Variants in ITGA11 observed in about 807,000 individuals in gnomAD.
ITGA11 encodes the protein integrin subunit alpha 11, also known as integrin alpha-11.
In ITGA11, 97 loss-of-function variants were observed where a neutral mutation model predicts 141.9. The ratio of observed to expected loss-of-function variants is 0.68; its 90% CI spans 0.58 to 0.81. The LOEUF (loss-of-function observed/expected upper bound fraction) is 0.81, where lower values mean the gene tolerates loss of function less well. ITGA11 is among the 30% of genes least tolerant of loss of function. ITGA11 has a pLI of 0.00. For synonymous variants in ITGA11, 658 were observed against 624.6 expected (o/e 1.05, Z -0.80); for missense variants, 1,387 against 1,559.2 (o/e 0.89, Z 1.86).
At chr15:68,426,848 C>T (rs144559166) in intron 1 of ITGA11, among the ~76,000 whole-genome samples, 2 of 151,818 alleles carry the variant, frequency 1.3e-5, no homozygotes, top group African/African-American at 4.8e-5. Flanking sequence ...AAACCCATCT[C>T]TCCTAAAAAT....
chr15:68,417,672 T>G (rs1186470046), intron 1 of ITGA11, among the ~76,000 whole-genome samples: 1 of 152,176 alleles, frequency 6.6e-6, no homozygotes, highest in African/African-American at 2.4e-5. Flanking sequence ...TCTCACTTAC[T>G]ACCTTCCAGC....
chr15:68,419,530 C>T (rs1177007202), intron 1 of ITGA11, among the ~76,000 whole-genome samples: 3 of 152,186 alleles, frequency 2.0e-5, no homozygotes, highest in Non-Finnish European at 4.4e-5. Context: ...GAAGGGCCAA[C>T]CCCGTACTGA....
At chr15:68,368,693 C>A (rs1435306113) in intron 3 of ITGA11, among the ~76,000 whole-genome samples, 1 of 152,186 alleles carries the variant, frequency 6.6e-6, no homozygotes, top group Non-Finnish European at 1.5e-5. Context: ...GGTCCCCTCA[C>A]CTCTGTATGC....
chr15:68,415,065 G>A lies in ITGA11; in HGVS notation c.53-12036C>T, dbSNP rs74491956. Among the ~76,000 whole-genome samples the A allele has an allele frequency of 1.6e-4, 25 of 152,226 alleles. No homozygotes were observed. The East Asian group carries it at 3.5e-3, about 21-fold the overall frequency. ...GTTTTCTAGCTTCTCTGATCAACTC[G>A]TCAGCATCTTACTTCTCTGCCAAAT... On this transcript the variant is annotated intron_variant, in intron 1 of 29. Coordinates refer to ENST00000315757, the MANE Select transcript of ITGA11 (RefSeq NM_001004439.2).
At chr15:68,419,029 A>AG (rs1488443265) in intron 1 of ITGA11, among the ~76,000 whole-genome samples, 1 of 152,086 alleles carries the variant, frequency 6.6e-6, no homozygotes. Context: ...AACTAAAAAA[A>AG]GGAATTGTGG....
chr15:68,380,674 T>C (rs1895838848), intron 2 of ITGA11, among the ~76,000 whole-genome samples: 1 of 152,162 alleles, frequency 6.6e-6, no homozygotes, highest in Non-Finnish European at 1.5e-5. Flanking sequence ...GGGCTGGGGC[T>C]CACAGGGAGG....
At position 68,335,718 on chromosome 15, in the gene ITGA11, G is replaced by A; in HGVS notation, c.1404C>T (p.His468=). Residue 468 remains histidine (H), a synonymous_variant, in exon 12 of 30, where the codon CAC becomes CAT. Transcript: ENST00000315757. This position sits in a 1 kb window ranked among gnomAD's most constrained non-coding sequence, Gnocchi z 4.9. ...TTACCTGCTGGCCCCGCATAGCCTG[G>A]TGGATGGTGAGGCTCCGGTTGTTGT... ...TMHNNRSLTI[H]QAMRGQQIGS... is the part of the protein sequence containing the mutation. 7 of 1,613,840 alleles carry A rather than the reference G, an allele frequency of 4.3e-6. No individual in the cohort carries two copies. Among genetic ancestry groups the A allele is most frequent in the Non-Finnish European group, 5.9e-6 (7 of 1,179,822 alleles).
At chr15:68,385,145 G>A (rs1334085531) in intron 2 of ITGA11, among the ~76,000 whole-genome samples, 1 of 152,264 alleles carries the variant, frequency 6.6e-6, no homozygotes, top group East Asian at 1.9e-4. Flanking sequence ...AAGAAACTGT[G>A]ATCCAGAAAG....
chr15:68,431,751 G>A (rs759500032), intron 1 of ITGA11, among the ~76,000 whole-genome samples: 12 of 152,244 alleles, frequency 7.9e-5, no homozygotes, highest in Non-Finnish European at 1.5e-4. Context: ...CCAGATCTGG[G>A]AGCTTTTCAA....
At chr15:68,319,370 G>A (rs563734332) in intron 20 of ITGA11, among the ~76,000 whole-genome samples, 7 of 152,252 alleles carry the variant, frequency 4.6e-5, no homozygotes, top group Non-Finnish European at 8.8e-5. Flanking sequence ...GCTGGACGCC[G>A]TGAGTAGGCA....
intron 10 of ITGA11, among the ~76,000 whole-genome samples, chr15:68,341,413 CAGA>C (rs1191963461): frequency 2.0e-5 from 3 of 152,204 alleles, no homozygotes; most frequent in Admixed American, 1.3e-4. Flanking sequence ...CCTGTGAAAT[CAGA>C]AGGACAGATG....
In ITGA11 at chr15:68,317,263, A is replaced by G. The variant is rs924148492; in HGVS notation, c.2715+2T>C. 1.2e-6 allele frequency: 2 copies of G among 1,610,994 alleles called. No homozygotes were observed. Among genetic ancestry groups the G allele is most frequent in the Non-Finnish European group, 1.7e-6 (2 of 1,177,312 alleles). The stretch of plus-strand genomic sequence containing the variant: ...CTCCCCCACATTGTCCCCAGTCTCA[A>G]CCTTGGCCTTGGCCCGGAAGAAGGG... On this transcript the variant is annotated splice_donor_variant, in intron 21 of 29. Transcript: ENST00000315757. LOFTEE classifies it high-confidence loss of function.
intron 15 of ITGA11, among the ~76,000 whole-genome samples, chr15:68,330,444 T>A (rs894413629): frequency 1.3e-5 from 2 of 151,862 alleles, no homozygotes; most frequent in African/African-American, 4.8e-5. Flanking sequence ...ATATTTATGA[T>A]GAAAAATATC....
intron 2 of ITGA11, among the ~76,000 whole-genome samples, chr15:68,380,981 T>G (rs146357342): frequency 1.6e-3 from 248 of 152,352 alleles, no homozygotes; most frequent in African/African-American, 5.8e-3. Context: ...TGCCCCTACC[T>G]GCTTTCTGGG....
In ITGA11 at chr15:68,364,760, T is replaced by C. The variant is rs1478439973; in HGVS notation, c.304A>G (p.Asn102Asp). The C allele has an allele frequency of 2.5e-6, 4 of 1,613,876 alleles. No homozygotes were observed. ...TLSNVSERKD[N>D]MRLGLSLATN... is the part of the protein sequence containing the mutation. ...GCGAGACTAAGGCCGAGGCGCATGT[T>C]GTCTTTCCGCTCGGACACGTTGGAC... The change falls in exon 4 of 30, where the codon AAC (asparagine) becomes GAC (aspartate). Residue 102 changes from asparagine to aspartate, a missense_variant. Coordinates refer to ENST00000315757, the MANE Select transcript of ITGA11 (RefSeq NM_001004439.2).
chr15:68,361,438 G>A (rs1255558670), intron 5 of ITGA11, among the ~76,000 whole-genome samples, 152 bp downstream of exon 5: 1 of 152,194 alleles, frequency 6.6e-6, no homozygotes, highest in Non-Finnish European at 1.5e-5. Flanking sequence ...CCAGAGAGTG[G>A]AGTGATACAT....
chr15:68,396,375 T>TAA (rs913945105), intron 2 of ITGA11, among the ~76,000 whole-genome samples: 1 of 151,986 alleles, frequency 6.6e-6, no homozygotes, highest in African/African-American at 2.4e-5. Context: ...TCATAATTTT[T>TAA]AAAAAAACCA....
intron 2 of ITGA11, among the ~76,000 whole-genome samples, chr15:68,391,971 T>C (rs1184501963): frequency 1.3e-5 from 2 of 152,212 alleles, no homozygotes; most frequent in African/African-American, 4.8e-5. Context: ...ATGTCATGCA[T>C]CTTATGTCTG....
chr15:68,354,924 G>A (rs1895024888), intron 7 of ITGA11, among the ~76,000 whole-genome samples: 1 of 152,230 alleles, frequency 6.6e-6, no homozygotes, highest in South Asian at 2.1e-4. Flanking sequence ...ACCTTAAAAG[G>A]CACCAGCTGT....
Sources: gnomAD v4.1 joint callset for allele counts (sites outside exome capture counted in the v4.1 genomes callset) on GRCh38, gnomAD v4.1.1 for gene constraint, Gnocchi (gnomAD v3.1) non-coding constraint, MANE v1.5 for transcripts, NCBI Gene and HGNC (gene_info 2026-07-23, HGNC 2026-07-21) for gene names.